The following CPA6 variants were observed in gnomAD, a reference collection of about 807,000 sequenced individuals.
CPA6 encodes the protein carboxypeptidase B.
A neutral mutation model predicts 63.3 loss-of-function variants in CPA6; 58 were observed. The observed-to-expected ratio is 0.92, with a 90% CI of 0.74 to 1.14. CPA6 has a LOEUF of 1.14. Ranked by LOEUF, CPA6 falls within the 50% of genes most tolerant of loss-of-function variation. CPA6 has a pLI of 0.00. For synonymous variants in CPA6, 185 were observed against 179.0 expected, an observed-to-expected ratio of 1.03 and a Z score of -0.27; for missense variants, 565 against 526.6, an observed-to-expected ratio of 1.07 and a Z score of -0.71.
intron 2 of CPA6, among the ~76,000 whole-genome samples, chr8:67,585,201 T>C (rs1243716814): frequency 1.3e-5 from 2 of 152,224 alleles, no homozygotes; most frequent in African/African-American, 4.8e-5. Context: ...CATCATTCAA[T>C]GTCAGTTTGA....
intron 1 of CPA6, among the ~76,000 whole-genome samples, chr8:67,631,288 C>T (rs1349522765): frequency 6.6e-6 from 1 of 152,224 alleles, no homozygotes; most frequent in African/African-American, 2.4e-5. Flanking sequence ...CCAATCAGCA[C>T]TCTGTATCTA....
chr8:67,558,357 T>A (rs1448757672), intron 2 of CPA6, among the ~76,000 whole-genome samples: 1 of 152,214 alleles, frequency 6.6e-6, no homozygotes, highest in Non-Finnish European at 1.5e-5. Flanking sequence ...TTTACTTTTT[T>A]ATTTGCTGAT....
intron 1 of CPA6, among the ~76,000 whole-genome samples, chr8:67,668,341 T>C (rs903185849): frequency 6.6e-6 from 1 of 152,248 alleles, no homozygotes; most frequent in Non-Finnish European, 1.5e-5. Context: ...TCGCACTCAA[T>C]AAAAGCTTCT....
chr8:67,518,045 C>T lies in CPA6; in HGVS notation c.195G>A (p.Val65=), dbSNP rs1812183100. The T allele has an allele frequency of 6.3e-7, 1 of 1,592,780 alleles. No homozygotes were observed. The highest frequency in any genetic ancestry group is 1.2e-5 in the South Asian group (1 of 86,694). Residue 65 remains valine (V), a splice_region_variant and synonymous_variant, in exon 3 of 11, where the codon GTG becomes GTA. Transcript: ENST00000297770. ...AGATACTGCTGGGCTGCCACAGGTC[C>T]ACCTGTAGTGCAGGAACCAACCTAT... ...ALKKISYQLK[V]DLWQPSSISY...
At chr8:67,546,917 T>C (rs1812829206) in intron 2 of CPA6, among the ~76,000 whole-genome samples, 2 of 152,220 alleles carry the variant, frequency 1.3e-5, no homozygotes, top group South Asian at 4.1e-4. Context: ...CTCCAACTCC[T>C]GGGCACAAGC....
chr8:67,461,277 T>C (rs1810796747), intron 8 of CPA6, among the ~76,000 whole-genome samples: 1 of 144,012 alleles, frequency 6.9e-6, no homozygotes, highest in Non-Finnish European at 1.5e-5. Context: ...ACGAGCATGC[T>C]GCCTTCAAGC....
At chr8:67,721,190 C>T (rs1245367680) in intron 1 of CPA6, among the ~76,000 whole-genome samples, 2 of 152,218 alleles carry the variant, frequency 1.3e-5, no homozygotes, top group South Asian at 2.1e-4. Flanking sequence ...ACTCTGGCTA[C>T]GCCCATTAGG....
At chr8:67,724,989 C>A (rs548203314) in intron 1 of CPA6, among the ~76,000 whole-genome samples, 1 of 152,334 alleles carries the variant, frequency 6.6e-6, no homozygotes, top group African/African-American at 2.4e-5. Context: ...TCCCTTATAA[C>A]TTTAACCACA....
chr8:67,621,522 C>G (rs1039934653), intron 2 of CPA6, among the ~76,000 whole-genome samples: 1 of 152,136 alleles, frequency 6.6e-6, no homozygotes, highest in Non-Finnish European at 1.5e-5. Flanking sequence ...GGCTTGACAC[C>G]GACTAGATCC....
At chr8:67,599,665 G>A (rs9772671) in intron 2 of CPA6, among the ~76,000 whole-genome samples, 86,816 of 152,080 alleles carry the variant, frequency 0.57, 27,249 homozygotes, top group African/African-American at 0.84. Context: ...TGAAAGCTCT[G>A]AAACTGTCCC....
intron 1 of CPA6, among the ~76,000 whole-genome samples, chr8:67,729,962 G>T (rs1817675953): frequency 6.6e-6 from 1 of 152,200 alleles, no homozygotes; most frequent in Admixed American, 6.5e-5. Flanking sequence ...TGTTGGAAAA[G>T]AACTGTTTTC....
At position 67,607,250 on chromosome 8, in the gene CPA6, T is replaced by TCC. The variant is rs1564021540; in HGVS notation, c.192+16925_192+16926insGG. 1.8e-3 allele frequency among the ~76,000 whole-genome samples: 236 copies of TCC among 131,800 alleles called. 17 individuals carry two copies. The highest frequency in any genetic ancestry group is 3.8e-3 in the African/African-American group (130 of 34,410). The allele number at this position is 131,800 out of a possible 152,430, so 86.5% of individuals were successfully genotyped here. On this transcript the variant is annotated intron_variant, in intron 2 of 10. Coordinates refer to ENST00000297770, the MANE Select transcript of CPA6 (RefSeq NM_020361.5). The stretch of plus-strand genomic sequence containing the variant: ...CTTCTTCTTCTTCTTCTTCTTCTTC[T>TCC]TCTCCTCCTCCTCCTTTCTTCTTTC...
chr8:67,607,822 C>T (rs1814706244), intron 2 of CPA6, among the ~76,000 whole-genome samples: 1 of 152,148 alleles, frequency 6.6e-6, no homozygotes, highest in Non-Finnish European at 1.5e-5. Flanking sequence ...ACACTATTTT[C>T]ATTTGTTAAG....
intron 1 of CPA6, among the ~76,000 whole-genome samples, chr8:67,731,966 G>T (rs562366453): frequency 6.4e-4 from 97 of 152,230 alleles, no homozygotes; most frequent in African/African-American, 2.3e-3. Flanking sequence ...AAAGGCAAGG[G>T]TCGCTTCTCT....
At chr8:67,672,662 T>C (rs1816375429) in intron 1 of CPA6, among the ~76,000 whole-genome samples, 1 of 152,156 alleles carries the variant, frequency 6.6e-6, no homozygotes. Flanking sequence ...CCCGGAACAA[T>C]TTATATTTCA....
At chr8:67,576,700 AAACATTGCTTCTTT>A (rs1320298882) in intron 2 of CPA6, among the ~76,000 whole-genome samples, 2 of 152,176 alleles carry the variant, frequency 1.3e-5, no homozygotes, top group African/African-American at 2.4e-5. Context: ...CATAAATTTC[AAACATTGCTTCTTT>A]AACTCTGCTT....
intron 2 of CPA6, among the ~76,000 whole-genome samples, chr8:67,553,498 A>G (rs1450434136): frequency 6.6e-6 from 1 of 152,242 alleles, no homozygotes; most frequent in Non-Finnish European, 1.5e-5. Flanking sequence ...CATAAGGGGT[A>G]TGGATTATAC....
chr8:67,726,560 C>T (rs75800774), intron 1 of CPA6, among the ~76,000 whole-genome samples: 3,247 of 152,248 alleles, frequency 0.021, 84 homozygotes, highest in Admixed American at 0.07. Context: ...TAGGGGAATA[C>T]ATATGAAAGT....
chr8:67,617,247 T>G (rs888038038), intron 2 of CPA6, among the ~76,000 whole-genome samples: 1 of 152,244 alleles, frequency 6.6e-6, no homozygotes, highest in Non-Finnish European at 1.5e-5. Context: ...TATTTCTTTC[T>G]TAAACATACT....
Sources: allele counts gnomAD v4.1 joint callset (sites outside exome capture counted in the v4.1 genomes callset), GRCh38; gene constraint gnomAD v4.1.1; transcripts MANE v1.5; gene names NCBI Gene and HGNC (gene_info 2026-07-23, HGNC 2026-07-21).